The following EXOC4 variants were observed in gnomAD, a reference collection of about 807,000 sequenced individuals.
EXOC4 encodes the protein exocyst complex component 4.
A neutral mutation model predicts 107.2 loss-of-function variants in EXOC4; 71 were observed. That is an observed-to-expected ratio of 0.66 (90% CI 0.55 to 0.81). The LOEUF (loss-of-function observed/expected upper bound fraction) is 0.81. Ranked by LOEUF, EXOC4 falls within the 30% of genes least tolerant of loss-of-function variation. The pLI is 0.00. For synonymous variants in EXOC4, 456 were observed against 441.2 expected (o/e 1.03, Z -0.42); for missense variants, 1,108 against 1,189.6 (o/e 0.93, Z 1.01).
chr7:133,556,523 A>G (rs1277021324), intron 9 of EXOC4, among the ~76,000 whole-genome samples: 3 of 152,218 alleles, frequency 2.0e-5, no homozygotes, highest in Non-Finnish European at 2.9e-5. Flanking sequence ...GAAATAGTAA[A>G]GCACCAACTT....
chr7:134,098,208 G>C, the EXOC4 span, among the ~76,000 whole-genome samples: 1 of 152,188 alleles, frequency 6.6e-6, no homozygotes, highest in Non-Finnish European at 1.5e-5. Flanking sequence ...AAAGCCTGCT[G>C]TGATGTTAAT....
chr7:134,027,015 A>G (rs576976989), intron 17 of EXOC4, among the ~76,000 whole-genome samples: 1 of 152,268 alleles, frequency 6.6e-6, no homozygotes, highest in Non-Finnish European at 1.5e-5. Context: ...TAACCTGTAT[A>G]TGACAAATGG....
chr7:133,410,291 T>C (rs891947577), intron 7 of EXOC4, among the ~76,000 whole-genome samples: 1 of 152,160 alleles, frequency 6.6e-6, no homozygotes, highest in African/African-American at 2.4e-5. Context: ...AATAAAGCAT[T>C]ATATTAGGGA....
chr7:133,845,569 G>T lies in EXOC4; in HGVS notation c.1734+28025G>T, dbSNP rs1265020536. On this transcript the variant is annotated intron_variant, in intron 11 of 17. Coordinates refer to ENST00000253861, the MANE Select transcript of EXOC4 (RefSeq NM_021807.4). ...GTCCAAAAGCTTTTCATGTAACTTG[G>T]TGGGCTTTCTCCCTGACAGAAGCAT... 2.6e-5 allele frequency among the ~76,000 whole-genome samples: 4 copies of T among 151,774 alleles called. No individual in the cohort carries two copies. The East Asian group carries it at 5.8e-4, about 22-fold the overall frequency.
chr7:133,840,154 A>G (rs1797996202), intron 11 of EXOC4, among the ~76,000 whole-genome samples: 1 of 152,230 alleles, frequency 6.6e-6, no homozygotes, highest in Admixed American at 6.5e-5. Context: ...GGCATACCTT[A>G]TTGAGGGGAA....
chr7:133,282,668 T>TA (rs1794184156), intron 2 of EXOC4, among the ~76,000 whole-genome samples: 1 of 152,182 alleles, frequency 6.6e-6, no homozygotes, highest in Non-Finnish European at 1.5e-5. Flanking sequence ...AAATAAAAAT[T>TA]ACATATGTTT....
At chr7:133,626,749 C>T in intron 9 of EXOC4, among the ~76,000 whole-genome samples, 1 of 152,198 alleles carries the variant, frequency 6.6e-6, no homozygotes, top group East Asian at 1.9e-4. Context: ...ATCTTCCTCT[C>T]ACTGACATTT....
At chr7:133,777,232 T>A (rs1319362216) in intron 10 of EXOC4, among the ~76,000 whole-genome samples, 1 of 151,364 alleles carries the variant, frequency 6.6e-6, no homozygotes, top group Non-Finnish European at 1.5e-5. Flanking sequence ...AGATTGAAGA[T>A]CATGTATACT....
intron 5 of EXOC4, among the ~76,000 whole-genome samples, chr7:133,328,613 CTGG>C (rs1795305862): frequency 1.3e-5 from 2 of 151,534 alleles, no homozygotes; most frequent in Admixed American, 1.3e-4. Context: ...TAAGGCAGGC[CTGG>C]TGGTGACAGA....
At chr7:133,388,484 T>A (rs1796778694) in intron 7 of EXOC4, among the ~76,000 whole-genome samples, 1 of 152,052 alleles carries the variant, frequency 6.6e-6, no homozygotes, top group Non-Finnish European at 1.5e-5. Flanking sequence ...ACCCTGTTTC[T>A]ACTAAAAGTA....
At chr7:133,993,999 G>A (rs1177092524) in intron 14 of EXOC4, among the ~76,000 whole-genome samples, 2 of 152,230 alleles carry the variant, frequency 1.3e-5, no homozygotes, top group African/African-American at 2.4e-5. Context: ...GGAACTGGAA[G>A]TAACTGTTGG....
chr7:133,984,571 A>G (rs899632904), intron 14 of EXOC4, among the ~76,000 whole-genome samples: 1 of 152,228 alleles, frequency 6.6e-6, no homozygotes. Flanking sequence ...AATTCAACAA[A>G]CATTATCAGC....
intron 10 of EXOC4, among the ~76,000 whole-genome samples, chr7:133,665,389 TG>T (rs1585064457): frequency 1.3e-5 from 2 of 152,186 alleles, no homozygotes; most frequent in African/African-American, 2.4e-5. Flanking sequence ...GGTGCTTATG[TG>T]GATATTAGAC....
At chr7:133,543,016 G>A (rs1391844370) in intron 9 of EXOC4, among the ~76,000 whole-genome samples, 4 of 152,054 alleles carry the variant, frequency 2.6e-5, no homozygotes, top group Non-Finnish European at 5.9e-5. Flanking sequence ...CTTATTTTCA[G>A]TTATCCCACA....
At chr7:133,539,190 G>A (rs1308290993) in intron 9 of EXOC4, among the ~76,000 whole-genome samples, 6 of 152,066 alleles carry the variant, frequency 3.9e-5, no homozygotes, top group Non-Finnish European at 8.8e-5. Flanking sequence ...TGAGACAGAG[G>A]GCAGTGACAG....
chr7:133,448,326 C>A (rs1020817650), intron 7 of EXOC4, among the ~76,000 whole-genome samples: 1 of 151,784 alleles, frequency 6.6e-6, no homozygotes, highest in Non-Finnish European at 1.5e-5. Flanking sequence ...GAGACATGGT[C>A]TTGCTCTGTC....
intron 10 of EXOC4, among the ~76,000 whole-genome samples, chr7:133,640,013 A>T (rs1313340485): frequency 6.6e-6 from 1 of 152,162 alleles, no homozygotes; most frequent in Non-Finnish European, 1.5e-5. Flanking sequence ...ATCTTTTAAA[A>T]TTTTTATTGA....
At chr7:133,964,945 A>C (rs868655830) in intron 14 of EXOC4, among the ~76,000 whole-genome samples, 7 of 152,296 alleles carry the variant, frequency 4.6e-5, no homozygotes, top group Middle Eastern at 3.4e-3. Context: ...CACTCCCACC[A>C]ACAGTGTAAA....
chr7:133,991,025 T>C lies in EXOC4; in HGVS notation c.2207-6467T>C, dbSNP rs138091064. ...ATGCTGTTTTCCATAATGGTTATAC[T>C]AATTTACATTCCCACCAACAATGTA... On this transcript the variant is annotated intron_variant, in intron 14 of 17. Transcript: ENST00000253861. Among the ~76,000 whole-genome samples, 896 of 152,324 alleles carry C rather than the reference T, an allele frequency of 5.9e-3. 6 individuals carry two copies. The highest frequency in any genetic ancestry group is 0.02 in the African/African-American group (848 of 41,568).
Sources: allele counts gnomAD v4.1 joint callset (sites outside exome capture counted in the v4.1 genomes callset), GRCh38; gene constraint gnomAD v4.1.1; transcripts MANE v1.5; gene names NCBI Gene and HGNC (gene_info 2026-07-23, HGNC 2026-07-21).